The following CEP162 variants were observed in gnomAD, a reference collection of about 807,000 sequenced individuals.
CEP162 encodes the protein centrosomal protein of 162 kDa.
CEP162 carries 141 observed loss-of-function variants against 169.2 expected under a neutral mutation model. The observed-to-expected ratio is 0.83, with a 90% CI of 0.73 to 0.96. CEP162 has a LOEUF of 0.96. Ranked by LOEUF, CEP162 falls within the 40% of genes least tolerant of loss-of-function variation. The pLI, the probability that CEP162 is intolerant of heterozygous loss-of-function variation, is 0.00. For missense variants in CEP162, 1,600 were observed against 1,587.2 expected (o/e 1.01, Z -0.14); for synonymous variants, 540 against 526.4 (o/e 1.03, Z -0.35).
At chr6:84,207,647 C>A (rs1380463013) in intron 6 of CEP162, among the ~76,000 whole-genome samples, 1 of 151,874 alleles carries the variant, frequency 6.6e-6, no homozygotes, top group African/African-American at 2.4e-5. Context: ...AGCACACCAA[C>A]ATGGCACATG....
chr6:84,128,155 A>C (rs1034626986), intron 25 of CEP162, among the ~76,000 whole-genome samples: 1 of 152,350 alleles, frequency 6.6e-6, no homozygotes, highest in African/African-American at 2.4e-5. Flanking sequence ...TGAATTAATT[A>C]GTCCATTCAC....
At chr6:84,221,906 C>G (rs1223103532) in intron 2 of CEP162, among the ~76,000 whole-genome samples, 1 of 152,064 alleles carries the variant, frequency 6.6e-6, no homozygotes, top group Admixed American at 6.6e-5. Flanking sequence ...TTGGTTATCC[C>G]ATTTGATATC....
intron 13 of CEP162, among the ~76,000 whole-genome samples, chr6:84,179,622 T>G (rs1422310171): frequency 1.3e-5 from 2 of 152,204 alleles, no homozygotes; most frequent in East Asian, 3.8e-4. Context: ...GGTTGCCTGT[T>G]CACTCTAATG....
At chr6:84,134,259 G>A (rs2099512922) in intron 25 of CEP162, among the ~76,000 whole-genome samples, 1 of 152,158 alleles carries the variant, frequency 6.6e-6, no homozygotes, top group African/African-American at 2.4e-5. Context: ...CTGGCAGTGA[G>A]AATTTCAAGC....
intron 11 of CEP162, among the ~76,000 whole-genome samples, chr6:84,190,484 G>A (rs1033252067): frequency 2.6e-5 from 4 of 152,054 alleles, no homozygotes; most frequent in Non-Finnish European, 5.9e-5. Flanking sequence ...CACTCTTCGG[G>A]TCCACGCTGC....
chr6:84,174,929 T>C lies in CEP162; in HGVS notation c.1823A>G (p.Asn608Ser). 6.2e-7 allele frequency: 1 copy of C among 1,606,788 alleles called. No individual in the cohort carries two copies. Among genetic ancestry groups the C allele is most frequent in the East Asian group, 2.2e-5 (1 of 44,734 alleles). ...QTDSLGYCGE[N>S]KEKKLLMFKR... ...AAACATAAGTAATTTCTTCTCCTTG[T>C]TCTCACCACAGTATCCTAAGGAATC... The change falls in exon 15 of 27, where the codon AAC (asparagine) becomes AGC (serine). Residue 608 changes from asparagine (N) to serine (S), a missense_variant. Coordinates refer to ENST00000403245, the MANE Select transcript of CEP162 (RefSeq NM_014895.4).
In CEP162 at chr6:84,186,537, G is replaced by A. The variant is rs780219619; in HGVS notation, c.1196C>T (p.Ser399Leu). 1.4e-5 allele frequency: 22 copies of A among 1,612,746 alleles called. No individual in the cohort carries two copies. The South Asian group carries it at 2.2e-4, about 16-fold the overall frequency. ...KMNPNILSQD[S>L]QHVNLFFDKN... ...GTCAAAAAAAAGGTTCACATGTTGT[G>A]AGTCTTGAGACAAAATATTTGGGTT... Residue 399 changes from serine to leucine, a missense_variant, in exon 12 of 27, where the codon TCA becomes TTA. By Grantham distance (145) the Ser-to-Leu change is moderately radical. Transcript: ENST00000403245.
intron 21 of CEP162, among the ~76,000 whole-genome samples, chr6:84,159,533 A>ATATATC (rs1395722849): frequency 5.8e-5 from 2 of 34,212 alleles, no homozygotes; most frequent in East Asian, 1.5e-3. Flanking sequence ...TTATATATAT[A>ATATATC]TATATATATA....
intron 25 of CEP162, among the ~76,000 whole-genome samples, chr6:84,130,088 C>T (rs373906137): frequency 4.6e-5 from 7 of 152,114 alleles, no homozygotes; most frequent in East Asian, 1.9e-4. Flanking sequence ...TGAATTTTGT[C>T]GAAGGCCTCT....
chr6:84,156,867 A>C (rs2099523430), intron 21 of CEP162, among the ~76,000 whole-genome samples: 1 of 152,168 alleles, frequency 6.6e-6, no homozygotes. Context: ...TAACTCAGAA[A>C]GTAAAACTCC....
Position 84,152,588 on chromosome 6 carries a change from T to G in CEP162, c.3586A>C (p.Lys1196Gln), listed in dbSNP as rs2099521540. The G allele has an allele frequency of 1.9e-6, 3 of 1,545,476 alleles. No homozygotes were observed. Among genetic ancestry groups the G allele is most frequent in the African/African-American group, 1.4e-5 (1 of 72,880 alleles). The change falls in exon 23 of 27, where the codon AAA becomes CAA. Residue 1196 changes from lysine (K) to glutamine (Q), a missense_variant. Lys to Gln is a moderately conservative substitution (Grantham distance 53). Coordinates refer to ENST00000403245, the MANE Select transcript of CEP162 (RefSeq NM_014895.4). ...LISEKNELKMKSEAVMNQFEN... is the reference protein window; with the variant it reads ...LISEKNELKMQSEAVMNQFEN... ...AATTGATTCATCACTGCTTCAGATT[T>G]CATCTTCAGTTCATTCTTCTCTGAA...
chr6:84,208,429 TG>T (rs778041238), intron 6 of CEP162, among the ~76,000 whole-genome samples: 2 of 152,196 alleles, frequency 1.3e-5, no homozygotes, highest in Admixed American at 6.5e-5. Flanking sequence ...AGAAACAGGA[TG>T]GCTTGATGGG....
chr6:84,162,016 T>C, intron 19 of CEP162, 107 bp from the exon 20 acceptor site: 1 of 697,402 alleles, frequency 1.4e-6, no homozygotes, highest in Non-Finnish European at 2.3e-6. Context: ...AATGACAGCA[T>C]TATGAAAAAA....
intron 13 of CEP162, among the ~76,000 whole-genome samples, chr6:84,179,685 C>T (rs904826366): frequency 1.2e-4 from 18 of 152,092 alleles, no homozygotes; most frequent in Non-Finnish European, 2.1e-4. Context: ...CACAGAAATA[C>T]AAACTACCAT....
chr6:84,161,364 G>T (rs2099525697), intron 20 of CEP162, among the ~76,000 whole-genome samples: 1 of 152,146 alleles, frequency 6.6e-6, no homozygotes, highest in South Asian at 2.1e-4. Flanking sequence ...GAGGAACAAG[G>T]AGTACGAGTG....
intron 20 of CEP162, 119 bp from the exon 21 acceptor site, chr6:84,161,035 A>T (rs563644129): frequency 6.6e-4 from 464 of 703,844 alleles, no homozygotes; most frequent in Non-Finnish European, 1.0e-3. Flanking sequence ...AAATTTGGGG[A>T]ATTAATTCCT....
chr6:84,130,244 C>T (rs1156436206), intron 25 of CEP162, among the ~76,000 whole-genome samples: 1 of 152,080 alleles, frequency 6.6e-6, no homozygotes, highest in Non-Finnish European at 1.5e-5. Context: ...TGATGTGCTG[C>T]TGGATTTGGA....
chr6:84,216,483 G>A (rs1178788241), intron 3 of CEP162, among the ~76,000 whole-genome samples: 2 of 152,152 alleles, frequency 1.3e-5, no homozygotes, highest in Non-Finnish European at 2.9e-5. Context: ...GTGGCTCACT[G>A]CAGGAGAGGT....
At position 84,200,881 on chromosome 6, in the gene CEP162, G is replaced by T. The variant is rs772030676; in HGVS notation, c.743C>A (p.Ser248Tyr). ...TTCATCAAGATTGACCTCTGCAACA[G>T]AGTCTAATGAATCAAGCAGCACAAC... The part of the protein sequence containing the change: ...ANVVLLDSLD[S>Y]VAEVNLDEQD... Residue 248 changes from serine to tyrosine, a missense_variant, in exon 9 of 27, where the codon TCT becomes TAT. Transcript: ENST00000403245. 1 of 1,606,368 alleles carries T rather than the reference G, an allele frequency of 6.2e-7. No individual in the cohort carries two copies. The highest frequency in any genetic ancestry group is 1.7e-5 in the Admixed American group (1 of 59,972).
Sources: gnomAD v4.1 joint callset for allele counts (sites outside exome capture counted in the v4.1 genomes callset) on GRCh38, gnomAD v4.1.1 for gene constraint, MANE v1.5 for transcripts, NCBI Gene and HGNC (gene_info 2026-07-23, HGNC 2026-07-21) for gene names.